The following CLDN2 variants were observed in gnomAD, a reference collection of about 807,000 sequenced individuals.
CLDN2 encodes the protein claudin-2.
In CLDN2, 1 loss-of-function variant was observed where a neutral mutation model predicts 8.2. The observed-to-expected ratio is 0.12, with a 90% CI of 0.04 to 0.58. The LOEUF is 0.58. Among genes scored for constraint, CLDN2 ranks in the 20% least tolerant of loss-of-function variants. The pLI, the probability that CLDN2 is intolerant of heterozygous loss-of-function variation, is 0.90. For missense variants in CLDN2, 108 were observed against 172.9 expected, an observed-to-expected ratio of 0.62 and a Z score of 2.11; for synonymous variants, 70 against 70.2, an observed-to-expected ratio of 1.00 and a Z score of 0.01.
At chrX:106,901,685 C>A in intron 1 of CLDN2, 1 of 505,160 alleles carries the variant, frequency 2.0e-6, no homozygotes, top group Non-Finnish European at 3.3e-6. Context: ...ATACCCACCC[C>A]TCAACAAGGG....
At position 106,928,874 on chromosome X, in the gene CLDN2, A is replaced by G. The variant is rs144353049; in HGVS notation, c.646A>G (p.Lys216Glu). The change falls in exon 2 of 2, where the codon AAA (lysine) becomes GAA (glutamate). Residue 216 changes from lysine (K) to glutamate (E), a missense_variant. Around this residue, in one of 2 missense-constraint regions of CLDN2, gnomAD observed 81 missense variants for 100.8 expected, o/e 0.80. Coordinates refer to ENST00000336803, the MANE Select transcript of CLDN2 (RefSeq NM_020384.4). ...CTCTCCAAGGCCTGGTCAACCTCCC[A>G]AAGTCAAGAGTGAGTTCAATTCCTA... ...RSSPRPGQPPKVKSEFNSYSL... is the reference protein window; with the variant it reads ...RSSPRPGQPPEVKSEFNSYSL... The G allele has an allele frequency of 3.6e-5, 44 of 1,209,546 alleles. No homozygotes were observed. In the African/African-American group the frequency reaches 7.5e-4, roughly 21 times the overall value.
rs1933493487 is a variant in CLDN2 at position 106,928,047 on chromosome X, T to C, written c.-178-4T>C. On this transcript the variant is annotated splice_polypyrimidine_tract_variant and splice_region_variant and intron_variant, in intron 1 of 1. Transcript: ENST00000336803. ...ATTTAATCTGGTTTATGGATTTTTTTTAGGTCTTCTAGATGCCTTCTTGAG... is the reference window on the plus strand; with the variant it reads ...ATTTAATCTGGTTTATGGATTTTTTCTAGGTCTTCTAGATGCCTTCTTGAG... 5 of 383,785 alleles carry C rather than the reference T, an allele frequency of 1.3e-5. No homozygotes were observed. The South Asian group carries it at 3.6e-4, about 27-fold the overall frequency. The allele number at this position is 383,785 out of a possible 1,213,427, so 31.6% of individuals were successfully genotyped here.
chrX:106,923,243 G>A (rs1246702841), intron 1 of CLDN2, among the ~76,000 whole-genome samples: 1 of 112,593 alleles, frequency 8.9e-6, no homozygotes, highest in Non-Finnish European at 1.9e-5. Flanking sequence ...AAAGTGCTGG[G>A]ATTATAGGCG....
upstream of CLDN2, among the ~76,000 whole-genome samples, chrX:106,919,298 T>A (rs1030817816): frequency 1.8e-5 from 2 of 112,022 alleles, no homozygotes; most frequent in Non-Finnish European, 1.9e-5. Context: ...CTCTATTTTC[T>A]TCTTTATAAT....
chrX:106,927,022 G>A (rs908858769), intron 1 of CLDN2, among the ~76,000 whole-genome samples: 2 of 111,034 alleles, frequency 1.8e-5, no homozygotes, highest in African/African-American at 6.6e-5. Flanking sequence ...GGTCGAGGCT[G>A]CAATGAGCCG....
exon 1 of CLDN2, chrX:106,900,303 C>T: frequency 8.7e-6 from 1 of 114,630 alleles, no homozygotes; most frequent in African/African-American, 3.3e-5. Flanking sequence ...AGAGACGGGA[C>T]TACATGGCCA....
Position 106,906,998 on chromosome X carries a change from G to C in CLDN2, c.-179+6494G>C, listed in dbSNP as rs1933188502. ...TTTGTTGAAAGTAGTCTACATGCTA[G>C]ACTTCCGCTTTTCCTGGCTCCCATT... On this transcript the variant is annotated intron_variant, in intron 1 of 1. Coordinates refer to the CLDN2 transcript ENST00000541806. 2.7e-5 allele frequency among the ~76,000 whole-genome samples: 3 copies of C among 111,055 alleles called. No homozygotes were observed. The Admixed American group carries it at 2.9e-4, about 11-fold the overall frequency.
At chrX:106,914,437 A>G (rs1242890650), upstream of CLDN2, among the ~76,000 whole-genome samples, 1 of 111,132 alleles carries the variant, frequency 9.0e-6, no homozygotes, top group Non-Finnish European at 1.9e-5. Flanking sequence ...AAGGACTATT[A>G]AATACCCCCC....
chrX:106,923,899 G>T lies in CLDN2; in HGVS notation c.-179+3348G>T, dbSNP rs1040042371. On this transcript the variant is annotated intron_variant, in intron 1 of 1. Transcript: ENST00000336803. ...CATCTAGAAGTCGAGATGAAACCCT[G>T]AGGAGGCTAGAGGGGCAGAGATGGA... Among the ~76,000 whole-genome samples, 4 of 111,493 alleles carry T rather than the reference G, an allele frequency of 3.6e-5. No individual in the cohort carries two copies. In the East Asian group the frequency reaches 1.1e-3, roughly 31 times the overall value.
Position 106,900,889 on chromosome X carries a change from G to A in CLDN2, c.-179+385G>A, listed in dbSNP as rs201507358. 1.8e-5 allele frequency: 22 copies of A among 1,209,113 alleles called. No homozygotes were observed. Among genetic ancestry groups the A allele is most frequent in the South Asian group, 1.2e-4 (7 of 56,515 alleles). On this transcript the variant is annotated intron_variant, in intron 1 of 1. Coordinates refer to the CLDN2 transcript ENST00000541806. ...GCACTGTACAGATAGTCGAAGGAGCGGGATTTAGGCCAGAAGAGCCTGTGG... is the reference window on the plus strand; with the variant it reads ...GCACTGTACAGATAGTCGAAGGAGCAGGATTTAGGCCAGAAGAGCCTGTGG...
At chrX:106,912,406 CTCTT>C (rs1933257927) in intron 1 of CLDN2, among the ~76,000 whole-genome samples, 1 of 97,003 alleles carries the variant, frequency 1.0e-5, no homozygotes, top group Non-Finnish European at 2.0e-5. Context: ...TTTTATGGAA[CTCTT>C]TTTTTTTTTT....
At chrX:106,914,087 G>C (rs1174704252), upstream of CLDN2, among the ~76,000 whole-genome samples, 1 of 107,387 alleles carries the variant, frequency 9.3e-6, no homozygotes, top group African/African-American at 3.4e-5. Context: ...CAAGCAGCTG[G>C]GATTACAGGC....
At position 106,928,452 on chromosome X, in the gene CLDN2, C is replaced by T. The variant is rs2147795850; in HGVS notation, c.224C>T (p.Ala75Val). The change falls in exon 2 of 2, where the codon GCT becomes GTT. Residue 75 changes from alanine to valine, a missense_variant. Ala to Val is a moderately conservative substitution (Grantham distance 64). Coordinates refer to ENST00000336803, the MANE Select transcript of CLDN2 (RefSeq NM_020384.4). ...DIYSTLLGLP[A>V]DIQAAQAMMV... is the part of the protein sequence containing the mutation. ...TATAGCACCCTTCTGGGCCTGCCCG[C>T]TGACATCCAGGCTGCCCAGGCCATG... 8.3e-7 allele frequency: 1 copy of T among 1,211,932 alleles called. No individual in the cohort carries two copies. The highest frequency in any genetic ancestry group is 1.1e-6 in the Non-Finnish European group (1 of 895,394).
At position 106,929,020 on chromosome X, in the gene CLDN2, C is replaced by A; in HGVS notation, c.*99C>A. 1 of 726,821 alleles carries A rather than the reference C, an allele frequency of 1.4e-6. No individual in the cohort carries two copies. 59.9% of individuals were successfully genotyped at this position (726,821 alleles called of 1,213,427 possible). The stretch of plus-strand genomic sequence containing the variant: ...GAGGGACACTACCACTGGATCGTGT[C>A]AGAAGGTGCTGCTGAGGATAGACTG... On this transcript the variant is annotated 3_prime_UTR_variant, in exon 2 of 2. Transcript: ENST00000336803.
intron 1 of CLDN2, among the ~76,000 whole-genome samples, chrX:106,906,462 C>G (rs1389907353): frequency 3.6e-5 from 4 of 111,501 alleles, no homozygotes; most frequent in African/African-American, 1.3e-4. Flanking sequence ...CAGCTCCAGC[C>G]TCCACATTTC....
At chrX:106,915,046 C>G (rs1266304340), upstream of CLDN2, among the ~76,000 whole-genome samples, 1 of 112,041 alleles carries the variant, frequency 8.9e-6, no homozygotes, top group Non-Finnish European at 1.9e-5. Context: ...TCCTGGCAAC[C>G]ACTAATCTAT....
chrX:106,900,794 T>C, intron 1 of CLDN2: 1 of 1,211,423 alleles, frequency 8.3e-7, no homozygotes, highest in Non-Finnish European at 1.1e-6. Context: ...CCTCTTCTTC[T>C]TCGCTGTCTG....
chrX:106,906,515 C>T (rs1367503178), intron 1 of CLDN2, among the ~76,000 whole-genome samples: 1 of 111,269 alleles, frequency 9.0e-6, no homozygotes, highest in Admixed American at 9.6e-5. Context: ...TTACCACGTT[C>T]CTGCCCCTCC....
In CLDN2 at chrX:106,929,935, G is replaced by A. The variant is rs187325704; in HGVS notation, c.*1014G>A. The A allele has an allele frequency of 1.9e-4, 23 of 123,506 alleles. No homozygotes were observed. The highest frequency in any genetic ancestry group is 1.7e-3 in the Admixed American group (18 of 10,600). 10.2% of individuals were successfully genotyped at this position (123,506 alleles called of 1,213,427 possible). On this transcript the variant is annotated 3_prime_UTR_variant, in exon 2 of 2. Coordinates refer to ENST00000336803, the MANE Select transcript of CLDN2 (RefSeq NM_020384.4). ...AGTGTGGGAGCTGTGGGGTACTGAGGAAGACACCATTCCTTGACGGTGTCT... is the reference window on the plus strand; with the variant it reads ...AGTGTGGGAGCTGTGGGGTACTGAGAAAGACACCATTCCTTGACGGTGTCT...
Sources: gnomAD v4.1 joint callset for allele counts (sites outside exome capture counted in the v4.1 genomes callset) on GRCh38, gnomAD v4.1.1 for gene constraint, gnomAD v4.1.1 regional missense constraint, MANE v1.5 for transcripts, NCBI Gene and HGNC (gene_info 2026-07-23, HGNC 2026-07-21) for gene names.